FSTL5: variants seen among roughly 807,000 people sequenced by gnomAD.
FSTL5 encodes the protein follistatin like 5, also known as follistatin-related protein 5.
FSTL5 carries 62 observed loss-of-function variants against 89.1 expected under a neutral mutation model. The ratio of observed to expected loss-of-function variants is 0.70; its 90% CI spans 0.57 to 0.86. The LOEUF is 0.86. Among genes scored for constraint, FSTL5 ranks in the 40% least tolerant of loss-of-function variants. FSTL5 has a pLI of 0.00. For synonymous variants in FSTL5, 383 were observed against 346.2 expected (o/e 1.11, Z -1.18); for missense variants, 1,057 against 1,001.6 (o/e 1.06, Z -0.75).
chr4:161,717,904 C>A (rs893018955), intron 6 of FSTL5, among the ~76,000 whole-genome samples: 2 of 151,898 alleles, frequency 1.3e-5, no homozygotes, highest in Admixed American at 1.3e-4. Flanking sequence ...ATTAAAAAAT[C>A]ACATATTTGA....
intron 4 of FSTL5, among the ~76,000 whole-genome samples, chr4:161,835,147 T>C (rs1411031635): frequency 0.06 from 8,571 of 142,282 alleles, 318 homozygotes; most frequent in African/African-American, 0.11. Context: ...GAAATAACGC[T>C]GCATATCTAC....
chr4:161,945,589 T>C (rs956563382), intron 3 of FSTL5, among the ~76,000 whole-genome samples: 7 of 152,066 alleles, frequency 4.6e-5, no homozygotes, highest in African/African-American at 1.7e-4. Flanking sequence ...CCATCTCTAC[T>C]AAAAATACAA....
At chr4:161,938,212 A>G (rs1734485044) in intron 3 of FSTL5, among the ~76,000 whole-genome samples, 1 of 152,112 alleles carries the variant, frequency 6.6e-6, no homozygotes, top group Non-Finnish European at 1.5e-5. Flanking sequence ...TTGACACTCA[A>G]TAAATCTGTG....
rs1730596122 is a variant in FSTL5, at chr4:161,385,710, G to A, written c.*37C>T. On this transcript the variant is annotated 3_prime_UTR_variant, in exon 16 of 16. Coordinates refer to ENST00000306100, the MANE Select transcript of FSTL5 (RefSeq NM_020116.5). The stretch of plus-strand genomic sequence containing the variant: ...AACAATGGATTAAGTGCAATGTATT[G>A]TAAAACGCTTCATTCAATAATTGTA... The A allele has an allele frequency of 4.3e-6, 6 of 1,389,290 alleles. No individual in the cohort carries two copies. In the East Asian group the frequency reaches 1.4e-4, roughly 32 times the overall value. The allele number at this position is 1,389,290 out of a possible 1,614,324, so 86.1% of individuals were successfully genotyped here.
intron 6 of FSTL5, among the ~76,000 whole-genome samples, chr4:161,672,067 A>C (rs917508601): frequency 6.6e-6 from 1 of 152,184 alleles, no homozygotes; most frequent in East Asian, 1.9e-4. Flanking sequence ...ATCTTTAACC[A>C]GTAAACTGCT....
chr4:161,570,797 T>C (rs1317359256), intron 8 of FSTL5, among the ~76,000 whole-genome samples: 2 of 152,070 alleles, frequency 1.3e-5, no homozygotes, highest in Admixed American at 6.6e-5. Flanking sequence ...CCTAAAAGGA[T>C]ATGACCAGGA....
At chr4:161,894,191 G>A (rs1281405994) in intron 4 of FSTL5, among the ~76,000 whole-genome samples, 1 of 152,128 alleles carries the variant, frequency 6.6e-6, no homozygotes, top group Non-Finnish European at 1.5e-5. Context: ...CATACAGTAA[G>A]AGGTGGAGCA....
At chr4:162,026,224 CA>C (rs1428404945) in intron 3 of FSTL5, among the ~76,000 whole-genome samples, 9 of 148,474 alleles carry the variant, frequency 6.1e-5, no homozygotes, top group Non-Finnish European at 1.2e-4. Context: ...ATGAAGCCAT[CA>C]AACACATTTT....
intron 7 of FSTL5, among the ~76,000 whole-genome samples, chr4:161,622,941 G>A (rs1190284933): frequency 2.0e-5 from 3 of 151,998 alleles, no homozygotes; most frequent in African/African-American, 4.8e-5. Flanking sequence ...GGGAACAGAC[G>A]TGAGGCTTTC....
chr4:161,641,649 G>A (rs1050382853), intron 7 of FSTL5, among the ~76,000 whole-genome samples: 5 of 151,628 alleles, frequency 3.3e-5, no homozygotes, highest in African/African-American at 4.8e-5. Context: ...ACGCCCCCAC[G>A]CCCAGATAAT....
At chr4:161,883,083 G>T (rs1193688166) in intron 4 of FSTL5, among the ~76,000 whole-genome samples, 1 of 152,098 alleles carries the variant, frequency 6.6e-6, no homozygotes, top group Non-Finnish European at 1.5e-5. Context: ...AGGATGTTTG[G>T]AAACCATATA....
chr4:161,817,049 T>A (rs1167045442), intron 4 of FSTL5, among the ~76,000 whole-genome samples: 1 of 152,190 alleles, frequency 6.6e-6, no homozygotes, highest in African/African-American at 2.4e-5. Flanking sequence ...CAAATTGACA[T>A]ATCACATATA....
chr4:161,656,149 T>C (rs374405973), intron 7 of FSTL5, among the ~76,000 whole-genome samples, 179 bp downstream of exon 7: 3 of 152,158 alleles, frequency 2.0e-5, no homozygotes, highest in African/African-American at 4.8e-5. Context: ...TACAAATGAT[T>C]TGGAAAATTC....
intron 3 of FSTL5, chr4:162,022,862 G>T (rs1240834047): frequency 6.6e-6 from 1 of 152,096 alleles, no homozygotes; most frequent in East Asian, 1.9e-4. Context: ...CCTAAGTAGG[G>T]ACTAAAAAAT....
At chr4:162,099,457 T>A (rs1730900031) in intron 2 of FSTL5, among the ~76,000 whole-genome samples, 1 of 152,158 alleles carries the variant, frequency 6.6e-6, no homozygotes, top group Admixed American at 6.6e-5. Context: ...AATAAATTTA[T>A]GATCCACAAA....
intron 3 of FSTL5, among the ~76,000 whole-genome samples, chr4:162,027,568 A>G (rs998279160): frequency 2.0e-5 from 3 of 152,140 alleles, no homozygotes; most frequent in African/African-American, 7.2e-5. Context: ...TCACTCACAT[A>G]AAGACATGAC....
chr4:161,920,686 G>C, intron 3 of FSTL5, 34 bp from the exon 4 acceptor site: 1 of 1,579,594 alleles, frequency 6.3e-7, no homozygotes, highest in Non-Finnish European at 8.6e-7. Flanking sequence ...AAATCGTTTG[G>C]TTCATTTGTC....
rs564898217 is a variant in FSTL5, at chr4:162,060,342, A to G, written c.127-26684T>C. 4.6e-5 allele frequency among the ~76,000 whole-genome samples: 7 copies of G among 152,274 alleles called. No homozygotes were observed. The South Asian group carries it at 1.2e-3, about 27-fold the overall frequency. ...GCCAACATAGCATAGTAGAGCTTCT[A>G]TAAATCACAGTATTTCCTTCGAGTT... On this transcript the variant is annotated intron_variant, in intron 2 of 15. Transcript: ENST00000306100.
At chr4:161,675,396 A>G (rs1362664256) in intron 6 of FSTL5, among the ~76,000 whole-genome samples, 1 of 151,490 alleles carries the variant, frequency 6.6e-6, no homozygotes, top group African/African-American at 2.4e-5. Flanking sequence ...ACATAACACA[A>G]TATTTATCTA....
Sources: allele counts gnomAD v4.1 joint callset (sites outside exome capture counted in the v4.1 genomes callset), GRCh38; gene constraint gnomAD v4.1.1; transcripts MANE v1.5; gene names NCBI Gene and HGNC (gene_info 2026-07-23, HGNC 2026-07-21).